The following TNRC6A variants were observed in gnomAD, a reference collection of about 807,000 sequenced individuals.
The protein encoded by TNRC6A is trinucleotide repeat-containing gene 6A protein.
In TNRC6A, 44 loss-of-function variants were observed where a neutral mutation model predicts 221.2. The ratio of observed to expected loss-of-function variants is 0.20; its 90% CI spans 0.16 to 0.26. The LOEUF is 0.26. Among genes scored for constraint, TNRC6A ranks in the 10% least tolerant of loss-of-function variants. The pLI, the probability that TNRC6A is intolerant of heterozygous loss-of-function variation, is 1.00. For missense variants in TNRC6A, 2,199 were observed against 2,404.4 expected (o/e 0.91, Z 1.79); for synonymous variants, 847 against 838.5 (o/e 1.01, Z -0.18).
chr16:24,640,596 G>C (rs952430289), intron 1 of TNRC6A, among the ~76,000 whole-genome samples: 12 of 151,680 alleles, frequency 7.9e-5, no homozygotes, highest in Non-Finnish European at 1.3e-4. Flanking sequence ...GGGCATGGTG[G>C]TGCACGCCTT....
intron 2 of TNRC6A, among the ~76,000 whole-genome samples, chr16:24,652,713 G>T (rs532877410): frequency 6.6e-6 from 1 of 152,266 alleles, no homozygotes; most frequent in Admixed American, 6.5e-5. Context: ...GAATAAGAGG[G>T]GGAAAGATCT....
Position 24,824,004 on chromosome 16 carries a change from A to G in TNRC6A, c.*197A>G, listed in dbSNP as rs531083358. 6 of 430,496 alleles carry G rather than the reference A, an allele frequency of 1.4e-5. No homozygotes were observed. The South Asian group carries it at 6.1e-4, about 44-fold the overall frequency. The allele number at this position is 430,496 out of a possible 1,614,324, so 26.7% of individuals were successfully genotyped here. ...AATATTATAATGTGAAAAGGTATCT[A>G]CTCTATTTACACTCCCAAATAGCGC... On this transcript the variant is annotated 3_prime_UTR_variant, in exon 25 of 25. Transcript: ENST00000395799.
intron 3 of TNRC6A, among the ~76,000 whole-genome samples, chr16:24,756,892 T>G (rs1244645035): frequency 6.6e-6 from 1 of 152,132 alleles, no homozygotes. Flanking sequence ...TGTCTGTTTG[T>G]TTTGTTTTTT....
intron 2 of TNRC6A, among the ~76,000 whole-genome samples, chr16:24,694,230 G>A (rs1334976521): frequency 6.6e-6 from 1 of 152,098 alleles, no homozygotes; most frequent in Non-Finnish European, 1.5e-5. Flanking sequence ...TGGACACTCG[G>A]TCTCTTGCCT....
intron 2 of TNRC6A, among the ~76,000 whole-genome samples, chr16:24,691,061 C>T (rs1331462772): frequency 6.6e-6 from 1 of 152,108 alleles, no homozygotes; most frequent in Non-Finnish European, 1.5e-5. Flanking sequence ...CCACCCGCCT[C>T]GGCCTCCCAA....
chr16:24,650,600 G>A (rs928106315), intron 2 of TNRC6A, among the ~76,000 whole-genome samples: 1 of 152,000 alleles, frequency 6.6e-6, no homozygotes, highest in African/African-American at 2.4e-5. Flanking sequence ...GGGAGGCAGA[G>A]GTTGCAGTGA....
rs2056656993 is a variant in TNRC6A at position 24,732,038 on chromosome 16, G to A, written c.53+1738G>A. 2.0e-5 allele frequency among the ~76,000 whole-genome samples: 3 copies of A among 152,286 alleles called. No homozygotes were observed. The South Asian group carries it at 6.2e-4, about 32-fold the overall frequency. On this transcript the variant is annotated intron_variant, in intron 2 of 24. Transcript: ENST00000395799. The stretch of plus-strand genomic sequence containing the variant: ...ACAGTAGTACTAGGTAGATGACGTA[G>A]GAATCAAAAGATACCATCCCATTCA...
At chr16:24,750,947 GT>G (rs1192200873) in intron 3 of TNRC6A, 134 bp downstream of exon 3, 1 of 853,232 alleles carries the variant, frequency 1.2e-6, no homozygotes, top group East Asian at 3.0e-5. Flanking sequence ...AATATTTAAT[GT>G]CTTTGAATAT....
intron 4 of TNRC6A, among the ~76,000 whole-genome samples, chr16:24,759,240 G>A (rs1015083737): frequency 1.3e-5 from 2 of 152,126 alleles, no homozygotes; most frequent in African/African-American, 4.8e-5. Flanking sequence ...TCAGTGATAA[G>A]TGGGCAGGGT....
chr16:24,690,165 A>T (rs1241494940), intron 2 of TNRC6A, among the ~76,000 whole-genome samples: 2 of 151,888 alleles, frequency 1.3e-5, no homozygotes, highest in Non-Finnish European at 2.9e-5. Flanking sequence ...ACATGCCACC[A>T]TGCCCAGCTA....
rs11862876 is a variant in TNRC6A, at chr16:24,756,108, A to G, written c.142-2231A>G. On this transcript the variant is annotated intron_variant, in intron 3 of 24. Transcript: ENST00000395799. ...TTTAATATATTTTATATAACCTAAT[A>G]TAGCTAAAATGTTACTATTTTGACA... Among the ~76,000 whole-genome samples, 1,130 of 152,306 alleles carry G rather than the reference A, an allele frequency of 7.4e-3. 14 individuals are homozygous for G. The highest frequency in any genetic ancestry group is 0.026 in the African/African-American group (1,069 of 41,580).
intron 4 of TNRC6A, among the ~76,000 whole-genome samples, chr16:24,771,582 T>TTATGTTTTATGTTATGTTATGTTGTTA: frequency 2.1e-5 from 2 of 95,550 alleles, no homozygotes; most frequent in Non-Finnish European, 4.1e-5. Flanking sequence ...TTATGTTATG[T>TTATGTTTTATGTTATGTTATGTTGTTA]TGTTATGTTA....
At chr16:24,664,591 A>C (rs970360224) in intron 2 of TNRC6A, among the ~76,000 whole-genome samples, 2 of 140,278 alleles carry the variant, frequency 1.4e-5, no homozygotes, top group African/African-American at 5.3e-5. Context: ...AAATATTTTA[A>C]ATATATTTAT....
At chr16:24,733,774 T>G (rs1215131523) in intron 2 of TNRC6A, among the ~76,000 whole-genome samples, 2 of 152,216 alleles carry the variant, frequency 1.3e-5, no homozygotes, top group Non-Finnish European at 2.9e-5. Context: ...CGTACTGATG[T>G]GATAGAATAA....
intron 2 of TNRC6A, among the ~76,000 whole-genome samples, chr16:24,666,469 CTCAAAAA>C (rs1219172828): frequency 9.5e-6 from 1 of 105,244 alleles, no homozygotes; most frequent in African/African-American, 3.9e-5. Context: ...AAGACTCCGT[CTCAAAAA>C]AAAAAAAAAA....
Position 24,797,848 on chromosome 16 carries a change from C to A in TNRC6A, c.3643-67C>A, listed in dbSNP as rs574218628. 26 of 1,408,224 alleles carry A rather than the reference C, an allele frequency of 1.8e-5. No homozygotes were observed. In the Middle Eastern group the frequency reaches 6.8e-4, roughly 37 times the overall value. The allele number at this position is 1,408,224 out of a possible 1,614,324, so 87.2% of individuals were successfully genotyped here. The stretch of plus-strand genomic sequence containing the variant: ...ACAGATAATGAAACACAGTAAAATT[C>A]TTCATTTTTTATTTGTTTTCATTGA... On this transcript the variant is annotated intron_variant, in intron 10 of 24. Coordinates refer to ENST00000395799, the MANE Select transcript of TNRC6A (RefSeq NM_014494.4).
chr16:24,759,935 A>G (rs1309523764), intron 4 of TNRC6A, among the ~76,000 whole-genome samples: 2 of 151,988 alleles, frequency 1.3e-5, no homozygotes, highest in African/African-American at 4.8e-5. Flanking sequence ...TACCAAATTA[A>G]TTTTCCTAAA....
chr16:24,691,022 G>A (rs2055745194), intron 2 of TNRC6A, among the ~76,000 whole-genome samples: 1 of 151,954 alleles, frequency 6.6e-6, no homozygotes. Flanking sequence ...TGTTAGCCAG[G>A]ATTCGTCTCG....
intron 1 of TNRC6A, among the ~76,000 whole-genome samples, chr16:24,611,969 C>T (rs1443579981): frequency 6.6e-6 from 1 of 152,124 alleles, no homozygotes; most frequent in Non-Finnish European, 1.5e-5. Flanking sequence ...TGGTGCACAT[C>T]TGTAATCCCA....
Sources: allele counts gnomAD v4.1 joint callset (sites outside exome capture counted in the v4.1 genomes callset), GRCh38; gene constraint gnomAD v4.1.1; transcripts MANE v1.5; gene names NCBI Gene and HGNC (gene_info 2026-07-23, HGNC 2026-07-21).